INPP4B: variants seen among roughly 807,000 people sequenced by gnomAD.
INPP4B encodes the protein inositol polyphosphate-4-phosphatase type II B.
In INPP4B, 55 loss-of-function variants were observed where a neutral mutation model predicts 122.5. The ratio of observed to expected loss-of-function variants is 0.45; its 90% CI spans 0.36 to 0.56. The LOEUF is 0.56. INPP4B is among the 20% of genes least tolerant of loss of function. The pLI, the probability that INPP4B is intolerant of heterozygous loss-of-function variation, is 0.00. For synonymous variants in INPP4B, 403 were observed against 388.7 expected, an observed-to-expected ratio of 1.04 and a Z score of -0.43; for missense variants, 1,000 against 1,097.7, an observed-to-expected ratio of 0.91 and a Z score of 1.26.
rs1034281192 is a variant in INPP4B, at chr4:142,025,392, T to C, written c.*3390A>G. Reference sequence around the variant, plus strand: ...AAGTGGTATGTTTTGATTATTACATTGGTTTTTAATGTATTCCACTGTGTT... The same window carrying C: ...AAGTGGTATGTTTTGATTATTACATCGGTTTTTAATGTATTCCACTGTGTT... On this transcript the variant is annotated 3_prime_UTR_variant, in exon 26 of 26. Transcript: ENST00000262992. 1 of 152,312 alleles carries C rather than the reference T, an allele frequency of 6.6e-6. No individual in the cohort carries two copies. Among genetic ancestry groups the C allele is most frequent in the Admixed American group, 6.5e-5 (1 of 15,288 alleles). The allele number at this position is 152,312 out of a possible 1,614,324, so 9.4% of individuals were successfully genotyped here. A position where few individuals can be genotyped will look rare whatever the true frequency, so the allele number is the denominator to read the frequency against.
chr4:142,323,394 C>G (rs1456772564), intron 7 of INPP4B, among the ~76,000 whole-genome samples: 1 of 151,120 alleles, frequency 6.6e-6, no homozygotes, highest in Non-Finnish European at 1.5e-5. Flanking sequence ...TTCATTGCAC[C>G]TAAACATGCC....
Position 142,720,761 on chromosome 4 carries a change from ATCTCTCTC to A in INPP4B, c.-191+5070_-191+5077del, listed in dbSNP as rs1175727015. 4.9e-3 allele frequency among the ~76,000 whole-genome samples: 183 copies of A among 37,524 alleles called. 8 individuals carry two copies. The highest frequency in any genetic ancestry group is 7.1e-3 in the African/African-American group (70 of 9,816). 24.6% of individuals were successfully genotyped at this position (37,524 alleles called of 152,430 possible). A position where few individuals can be genotyped will look rare whatever the true frequency, so the allele number is the denominator to read the frequency against. On this transcript the variant is annotated intron_variant, in intron 2 of 25. Transcript: ENST00000262992. ...ATATATATATATACATATATATATAATCTCTCTCTCTCTCTCTCTCTCTCTCTCTCTCT... is the reference window on the plus strand; with the variant it reads ...ATATATATATATACATATATATATAATCTCTCTCTCTCTCTCTCTCTCTCT...
At chr4:142,529,971 C>T (rs552184123) in intron 2 of INPP4B, among the ~76,000 whole-genome samples, 1 of 152,200 alleles carries the variant, frequency 6.6e-6, no homozygotes, top group South Asian at 2.1e-4. Flanking sequence ...TATGCTACTT[C>T]CATCACTGTT....
chr4:142,385,035 T>C (rs1440841448), intron 7 of INPP4B, among the ~76,000 whole-genome samples: 1 of 152,184 alleles, frequency 6.6e-6, no homozygotes, highest in Non-Finnish European at 1.5e-5. Flanking sequence ...GTTGATTCCA[T>C]GTCTTTGCTA....
rs550985522 is a variant in INPP4B, at chr4:142,828,678, A to G, written c.-254+17531T>C. Among the ~76,000 whole-genome samples the G allele has an allele frequency of 2.0e-5, 3 of 152,334 alleles. No homozygotes were observed. The South Asian group carries it at 6.2e-4, about 32-fold the overall frequency. On this transcript the variant is annotated intron_variant, in intron 1 of 25. Transcript: ENST00000262992. ...ACATAAACTCAAGAAAACAAGCCATAGTGAGCAAGAGATAGCAGAAACAAC... is the reference window on the plus strand; with the variant it reads ...ACATAAACTCAAGAAAACAAGCCATGGTGAGCAAGAGATAGCAGAAACAAC...
intron 21 of INPP4B, among the ~76,000 whole-genome samples, chr4:142,121,869 T>C (rs185517174): frequency 1.8e-4 from 27 of 152,230 alleles, no homozygotes; most frequent in African/African-American, 6.0e-4. Context: ...TGCAGGCTAT[T>C]ATTTTGAATT....
rs546434380 is a variant in INPP4B at position 142,108,499 on chromosome 4, C to A, written c.2277-309G>T. ...TTGATATTAGCTTCCCTATCCTACT[C>A]CACACCTCTGTGGCAGGGCTACATC... On this transcript the variant is annotated intron_variant, in intron 22 of 25. Transcript: ENST00000262992. Among the ~76,000 whole-genome samples, 10 of 152,258 alleles carry A rather than the reference C, an allele frequency of 6.6e-5. No homozygotes were observed. In the East Asian group the frequency reaches 1.9e-3, roughly 29 times the overall value.
rs70949166 is a variant in INPP4B, at chr4:142,399,189, C to CTTTT, written c.372+3745_372+3748dup. ...CTTTTCCTTTCTAAATTTCCTTTTG[C>CTTTT]TTTTTTTTTTTTTTTTTTTTTTTTT... On this transcript the variant is annotated intron_variant, in intron 7 of 25. Coordinates refer to ENST00000262992, the MANE Select transcript of INPP4B (RefSeq NM_001101669.3). 9.8e-4 allele frequency among the ~76,000 whole-genome samples: 56 copies of CTTTT among 56,992 alleles called. 8 individuals are homozygous for CTTTT. The highest frequency in any genetic ancestry group is 2.8e-3 in the East Asian group (4 of 1,452). The allele number at this position is 56,992 out of a possible 152,430, so 37.4% of individuals were successfully genotyped here.
chr4:142,069,510 C>G (rs1037549962), intron 25 of INPP4B, among the ~76,000 whole-genome samples: 1 of 151,416 alleles, frequency 6.6e-6, no homozygotes, highest in Non-Finnish European at 1.5e-5. Flanking sequence ...GATACAGACA[C>G]AAAAAACCGT....
chr4:142,032,916 T>C (rs336353), intron 25 of INPP4B, among the ~76,000 whole-genome samples: 135,021 of 152,034 alleles, frequency 0.89, 60,764 homozygotes, highest in Non-Finnish European at 0.97. Context: ...AACTTTTTAA[T>C]TAGTATGTTC....
intron 5 of INPP4B, among the ~76,000 whole-genome samples, chr4:142,411,170 C>G (rs1489090969): frequency 6.6e-6 from 1 of 152,182 alleles, no homozygotes; most frequent in Non-Finnish European, 1.5e-5. Flanking sequence ...GCAAACTTGA[C>G]TTTCTCTCTC....
At chr4:142,739,103 T>C (rs567955350) in intron 1 of INPP4B, among the ~76,000 whole-genome samples, 2 of 151,984 alleles carry the variant, frequency 1.3e-5, no homozygotes, top group Non-Finnish European at 2.9e-5. Context: ...CAAAGAGAAA[T>C]ATCCCTTTGA....
chr4:142,845,241 G>T (rs1388862395), intron 1 of INPP4B, among the ~76,000 whole-genome samples: 1 of 152,134 alleles, frequency 6.6e-6, no homozygotes, highest in African/African-American at 2.4e-5. Flanking sequence ...CGACTCCCCA[G>T]GAGCAGAAAC....
intron 2 of INPP4B, among the ~76,000 whole-genome samples, chr4:142,655,023 T>C (rs1313432136): frequency 2.0e-5 from 3 of 152,168 alleles, no homozygotes; most frequent in Non-Finnish European, 4.4e-5. Context: ...TCAGATACAT[T>C]ATCTTGCTCA....
At chr4:142,380,082 C>T (rs944007644) in intron 7 of INPP4B, among the ~76,000 whole-genome samples, 7 of 152,172 alleles carry the variant, frequency 4.6e-5, no homozygotes, top group African/African-American at 1.4e-4. Flanking sequence ...CTCACAAATC[C>T]CAGTGGTCAG....
intron 2 of INPP4B, among the ~76,000 whole-genome samples, chr4:142,652,512 T>C (rs1206921918): frequency 6.6e-6 from 1 of 152,176 alleles, no homozygotes; most frequent in Non-Finnish European, 1.5e-5. Context: ...GATCAGCAAC[T>C]TCAGCAAAGT....
At chr4:142,289,846 T>C (rs1270847373) in intron 9 of INPP4B, among the ~76,000 whole-genome samples, 1 of 152,188 alleles carries the variant, frequency 6.6e-6, no homozygotes, top group Non-Finnish European at 1.5e-5. Context: ...TAATTAAGTT[T>C]TGTTTCCTCC....
intron 7 of INPP4B, among the ~76,000 whole-genome samples, chr4:142,320,568 G>T (rs980276783): frequency 2.0e-5 from 3 of 152,156 alleles, no homozygotes; most frequent in African/African-American, 7.2e-5. Context: ...TTTCTTTGGT[G>T]GTGATTTCCG....
chr4:142,491,192 T>C (rs1821828055), intron 2 of INPP4B, among the ~76,000 whole-genome samples: 2 of 152,148 alleles, frequency 1.3e-5, no homozygotes, highest in Non-Finnish European at 2.9e-5. Flanking sequence ...ATCAACACTG[T>C]ACAAGGCAAA....
Sources: gnomAD v4.1 joint callset for allele counts (sites outside exome capture counted in the v4.1 genomes callset) on GRCh38, gnomAD v4.1.1 for gene constraint, MANE v1.5 for transcripts, NCBI Gene and HGNC (gene_info 2026-07-23, HGNC 2026-07-21) for gene names.